TLN2: variants seen among roughly 807,000 people sequenced by gnomAD.
TLN2 encodes the protein talin-2.
Under a neutral mutation model 294.7 loss-of-function variants are expected in TLN2, and 118 were observed. The ratio of observed to expected loss-of-function variants is 0.40; its 90% CI spans 0.34 to 0.47. The LOEUF is 0.47. TLN2 is among the 20% of genes least tolerant of loss of function. The pLI is 0.84. For missense variants in TLN2, 3,083 were observed against 3,282.2 expected, an observed-to-expected ratio of 0.94 and a Z score of 1.48; for synonymous variants, 1,431 against 1,304.5, an observed-to-expected ratio of 1.10 and a Z score of -2.09.
At chr15:62,500,086 C>G (rs1408011863) in intron 1 of TLN2, among the ~76,000 whole-genome samples, 5 of 152,082 alleles carry the variant, frequency 3.3e-5, no homozygotes, top group East Asian at 3.9e-4. Flanking sequence ...CCTGTAATCT[C>G]AGCACTGTGG....
intron 52 of TLN2, among the ~76,000 whole-genome samples, chr15:62,818,733 C>T (rs1007276557): frequency 6.6e-6 from 1 of 152,144 alleles, no homozygotes; most frequent in Admixed American, 6.5e-5. Context: ...GGGATTTTGT[C>T]TCAAGGACTT....
Position 62,824,069 on chromosome 15 carries a change from T to C in TLN2, c.7002+3459T>C, listed in dbSNP as rs140066016. Reference sequence around the variant, plus strand: ...GTCTCCGGGGGTTCCTAATAAAGTTTATAAGGCAACAGGAAAGAACACGTT... The same window carrying C: ...GTCTCCGGGGGTTCCTAATAAAGTTCATAAGGCAACAGGAAAGAACACGTT... On this transcript the variant is annotated intron_variant, in intron 54 of 58. Coordinates refer to ENST00000636159, the MANE Select transcript of TLN2 (RefSeq NM_015059.3). 3.1e-4 allele frequency: 151 copies of C among 484,842 alleles called. 1 individual carries two copies. The East Asian group carries it at 7.1e-3, about 23-fold the overall frequency. 30.0% of individuals were successfully genotyped at this position (484,842 alleles called of 1,614,324 possible).
At chr15:62,738,372 T>C in intron 30 of TLN2, 39 bp downstream of exon 30, 1 of 1,610,304 alleles carries the variant, frequency 6.2e-7, no homozygotes, top group Non-Finnish European at 8.5e-7. Flanking sequence ...ACTGGGGGAC[T>C]AGGCTCGCGT....
intron 52 of TLN2, among the ~76,000 whole-genome samples, chr15:62,812,928 A>T (rs537559970): frequency 1.1e-3 from 171 of 152,316 alleles, no homozygotes; most frequent in African/African-American, 3.9e-3. Flanking sequence ...CTTAGTGGCC[A>T]CCCAGTCGCT....
intron 1 of TLN2, among the ~76,000 whole-genome samples, chr15:62,587,887 CT>C (rs920760025): frequency 2.0e-5 from 3 of 149,564 alleles, no homozygotes; most frequent in Admixed American, 6.7e-5. Flanking sequence ...TCTAAAATTA[CT>C]TTTTTTTTTG....
At chr15:62,605,802 A>G (rs191717660) in intron 2 of TLN2, among the ~76,000 whole-genome samples, 18 of 152,282 alleles carry the variant, frequency 1.2e-4, no homozygotes, top group Admixed American at 1.1e-3. Flanking sequence ...GGCAATCAAT[A>G]TATGATGTTT....
At chr15:62,821,603 T>C (rs16945799) in intron 54 of TLN2, among the ~76,000 whole-genome samples, 20,986 of 152,238 alleles carry the variant, frequency 0.14, 1,468 homozygotes, top group South Asian at 0.17. Flanking sequence ...GGGAACATTA[T>C]TAAAACCTTC....
In TLN2 at chr15:62,721,600, A is replaced by G. The variant is rs2060153444; in HGVS notation, c.2992-753A>G. 3.3e-5 allele frequency among the ~76,000 whole-genome samples: 5 copies of G among 152,100 alleles called. No individual in the cohort carries two copies. In the South Asian group the frequency reaches 8.3e-4, roughly 25 times the overall value. On this transcript the variant is annotated intron_variant, in intron 25 of 58. Coordinates refer to ENST00000636159, the MANE Select transcript of TLN2 (RefSeq NM_015059.3). ...TTTTCTAAGTGTAGTTTTATAACAT[A>G]TATATTAAAAGTCTTAAAAGTATGT... is the stretch of plus-strand genomic sequence containing the variant.
intron 55 of TLN2, chr15:62,834,748 A>G (rs2069288739): frequency 6.6e-6 from 1 of 152,154 alleles, no homozygotes; most frequent in Non-Finnish European, 1.5e-5. Flanking sequence ...TGGCTGGTCA[A>G]CATGTAAAGA....
intron 34 of TLN2, among the ~76,000 whole-genome samples, chr15:62,751,145 A>AAT (rs538491559): frequency 9.5e-4 from 138 of 145,428 alleles, no homozygotes; most frequent in African/African-American, 3.2e-3. Context: ...GAACAATAAT[A>AAT]AAAAAAAAAA....
At position 62,645,402 on chromosome 15, in the gene TLN2, A is replaced by G. The variant is rs980246859; in HGVS notation, c.-36-1873A>G. 2.0e-5 allele frequency: 3 copies of G among 152,228 alleles called. No homozygotes were observed. In the South Asian group the frequency reaches 6.2e-4, roughly 32 times the overall value. The allele number at this position is 152,228 out of a possible 1,614,324, so 9.4% of individuals were successfully genotyped here. A position where few individuals can be genotyped will look rare whatever the true frequency, so the allele number is the denominator to read the frequency against. On this transcript the variant is annotated intron_variant, in intron 3 of 58. Coordinates refer to ENST00000636159, the MANE Select transcript of TLN2 (RefSeq NM_015059.3). Reference sequence around the variant, plus strand: ...TATCCTGACCTTTCTCAACTAAGGAATAGTTTCACAATTTTCATGGCAAAA... The same window carrying G: ...TATCCTGACCTTTCTCAACTAAGGAGTAGTTTCACAATTTTCATGGCAAAA...
intron 46 of TLN2, among the ~76,000 whole-genome samples, chr15:62,795,251 A>C (rs1311646903): frequency 1.3e-5 from 2 of 152,062 alleles, no homozygotes; most frequent in African/African-American, 4.8e-5. Flanking sequence ...TTGCAGGCAG[A>C]GCGCAGACCC....
intron 12 of TLN2, among the ~76,000 whole-genome samples, chr15:62,691,434 A>T: frequency 6.6e-6 from 1 of 151,484 alleles, no homozygotes; most frequent in South Asian, 2.1e-4. Context: ...TGTAATTTCC[A>T]TTTGGTTCTT....
At chr15:62,492,555 AAAAAAG>A (rs2038802098) in intron 1 of TLN2, among the ~76,000 whole-genome samples, 2 of 151,030 alleles carry the variant, frequency 1.3e-5, no homozygotes, top group African/African-American at 4.9e-5. Flanking sequence ...AAAAAAAAAA[AAAAAAG>A]AAAAAAAGAA....
chr15:62,739,855 G>C (rs1286277280), intron 31 of TLN2, among the ~76,000 whole-genome samples: 1 of 152,176 alleles, frequency 6.6e-6, no homozygotes, highest in African/African-American at 2.4e-5. Flanking sequence ...GATTAGAACA[G>C]CTCTTCAAAT....
chr15:62,833,518 C>G lies in TLN2; in HGVS notation c.7017C>G (p.Thr2339=), dbSNP rs1249863062. 6.2e-7 allele frequency: 1 copy of G among 1,613,912 alleles called. No homozygotes were observed. The highest frequency in any genetic ancestry group is 2.2e-5 in the East Asian group (1 of 44,878). The change falls in exon 55 of 59, where the codon ACC becomes ACG. Residue 2339 remains threonine (T), a synonymous_variant. Coordinates refer to ENST00000636159, the MANE Select transcript of TLN2 (RefSeq NM_015059.3). ...TTTGGTTATAGCAAGCGGATGAGAC[C>G]CTGGACTTTGAGGAACAGATCTTGG... ...PRAKPKQADE[T]LDFEEQILEA... is the part of the protein sequence containing the mutation.
At chr15:62,490,498 T>C (rs2038649230) in intron 1 of TLN2, among the ~76,000 whole-genome samples, 1 of 152,188 alleles carries the variant, frequency 6.6e-6, no homozygotes, top group Non-Finnish European at 1.5e-5. Context: ...ATTGTGCTTG[T>C]GTCTAAATTG....
At chr15:62,630,166 A>C (rs1253770136) in intron 3 of TLN2, among the ~76,000 whole-genome samples, 1 of 152,126 alleles carries the variant, frequency 6.6e-6, no homozygotes, top group Non-Finnish European at 1.5e-5. Flanking sequence ...CCAACTAATC[A>C]TCATTTTTGC....
chr15:62,433,233 G>A (rs928333817), intron 1 of TLN2, among the ~76,000 whole-genome samples: 1 of 152,090 alleles, frequency 6.6e-6, no homozygotes, highest in African/African-American at 2.4e-5. Context: ...ACCTGTTGCT[G>A]GCCACAGGGA....
Sources: gnomAD v4.1 joint callset for allele counts (sites outside exome capture counted in the v4.1 genomes callset) on GRCh38, gnomAD v4.1.1 for gene constraint, MANE v1.5 for transcripts, NCBI Gene and HGNC (gene_info 2026-07-23, HGNC 2026-07-21) for gene names.